LY96: variants seen among roughly 807,000 people sequenced by gnomAD.
LY96 encodes myeloid differentiation protein-2.
LY96 carries 18 observed loss-of-function variants against 18.9 expected under a neutral mutation model. The observed-to-expected ratio is 0.95, with a 90% confidence interval of 0.66 to 1.41. The LOEUF is 1.41. Among genes scored for constraint, LY96 ranks in the 40% most tolerant of loss-of-function variants. LY96 has a pLI of 0.00. For missense variants in LY96, 175 were observed against 182.4 expected (o/e 0.96, Z 0.23); for synonymous variants, 66 against 62.6 (o/e 1.06, Z -0.26).
chr8:74,061,960 A>AC, the LY96 span, among the ~76,000 whole-genome samples: 2 of 152,328 alleles, frequency 1.3e-5, no homozygotes, highest in East Asian at 1.9e-4. Context: ...GTGCACACAC[A>AC]AAAAAAGCGC....
chr8:74,080,984 CTCTTTCTTTCTT>C, the LY96 span, among the ~76,000 whole-genome samples: 2,628 of 105,004 alleles, frequency 0.025, 63 homozygotes, highest in Middle Eastern at 0.039. Context: ...TTCTTTCTCT[CTCTTTCTTTCTT>C]TCTTTCTTTC....
chr8:74,090,577 A>G, the LY96 span, among the ~76,000 whole-genome samples: 2 of 152,246 alleles, frequency 1.3e-5, no homozygotes, highest in Admixed American at 1.3e-4. Flanking sequence ...TACATGTCTC[A>G]ACCCTACATA....
the LY96 span, among the ~76,000 whole-genome samples, chr8:74,072,407 G>T: frequency 3.0e-4 from 46 of 152,176 alleles, no homozygotes; most frequent in Admixed American, 5.9e-4. Context: ...CAATTTATTT[G>T]TTCTTTTTCC....
At chr8:74,054,831 T>C in the LY96 span, among the ~76,000 whole-genome samples, 1 of 151,422 alleles carries the variant, frequency 6.6e-6, no homozygotes, top group African/African-American at 2.4e-5. Flanking sequence ...GCCCAGTTAA[T>C]TTTTTTAAAA....
At chr8:74,026,910 A>G (rs1243697009) in intron 4 of LY96, 69 bp downstream of exon 4, 4 of 805,840 alleles carry the variant, frequency 5.0e-6, no homozygotes, top group African/African-American at 3.4e-5. Flanking sequence ...CATTTGAAAC[A>G]AGCAATTCAC....
At chr8:74,009,420 A>C (rs1277356899) in intron 2 of LY96, among the ~76,000 whole-genome samples, 1 of 151,574 alleles carries the variant, frequency 6.6e-6, no homozygotes. Flanking sequence ...AAAGAAAAGA[A>C]AGAAAAGGAT....
chr8:74,051,706 T>A, the LY96 span, among the ~76,000 whole-genome samples: 1 of 152,152 alleles, frequency 6.6e-6, no homozygotes, highest in Non-Finnish European at 1.5e-5. Context: ...AGAGTGCCCT[T>A]CCCTCTCCAA....
chr8:74,004,762 A>G (rs1170426173), intron 1 of LY96, 34 bp from the exon 2 acceptor site: 2 of 1,502,206 alleles, frequency 1.3e-6, no homozygotes, highest in African/African-American at 2.7e-5. Context: ...GATGATTTGT[A>G]GTAATTTATT....
the LY96 span, among the ~76,000 whole-genome samples, chr8:74,089,397 A>G: frequency 5.9e-5 from 9 of 152,190 alleles, no homozygotes; most frequent in African/African-American, 2.2e-4. Flanking sequence ...AACCTGGCAC[A>G]GGGCCCCTCT....
At chr8:74,064,596 C>G in the LY96 span, among the ~76,000 whole-genome samples, 1 of 152,198 alleles carries the variant, frequency 6.6e-6, no homozygotes, top group Non-Finnish European at 1.5e-5. Flanking sequence ...TGTGAGCTCC[C>G]CTTTTCCTTC....
At chr8:74,075,688 T>C in the LY96 span, among the ~76,000 whole-genome samples, 1 of 152,246 alleles carries the variant, frequency 6.6e-6, no homozygotes, top group Admixed American at 6.5e-5. Flanking sequence ...TTAATTTCTT[T>C]TGATTAAATA....
chr8:74,024,665 C>T (rs184856623), intron 3 of LY96, among the ~76,000 whole-genome samples: 371 of 152,168 alleles, frequency 2.4e-3, no homozygotes, highest in African/African-American at 8.6e-3. Context: ...AGTAGAGGAG[C>T]TGGGATTCAA....
chr8:74,044,284 C>T, the LY96 span, among the ~76,000 whole-genome samples: 8 of 151,502 alleles, frequency 5.3e-5, no homozygotes, highest in Admixed American at 1.3e-4. Flanking sequence ...TAGGCTCAAG[C>T]GATTCTTCTG....
intron 2 of LY96, among the ~76,000 whole-genome samples, chr8:74,008,686 G>A (rs1816466392): frequency 6.6e-6 from 1 of 152,178 alleles, no homozygotes; most frequent in South Asian, 2.1e-4. Context: ...TGAGGTAACT[G>A]GGCAACATTT....
intron 1 of LY96, among the ~76,000 whole-genome samples, chr8:73,996,381 CTTTCTTT>C (rs1816140077): frequency 1.7e-4 from 7 of 42,286 alleles, no homozygotes; most frequent in African/African-American, 5.8e-4. Context: ...TCCTTTCTTT[CTTTCTTT>C]CTTTCTTTCT....
At chr8:74,091,273 C>T in the LY96 span, among the ~76,000 whole-genome samples, 1 of 152,196 alleles carries the variant, frequency 6.6e-6, no homozygotes, top group African/African-American at 2.4e-5. Flanking sequence ...AGAAAGCTCT[C>T]GAAGTGGCAC....
the LY96 span, among the ~76,000 whole-genome samples, chr8:74,045,765 G>A: frequency 6.6e-6 from 1 of 152,044 alleles, no homozygotes; most frequent in Non-Finnish European, 1.5e-5. Context: ...AGCGAAGACC[G>A]CCCCCCTACC....
chr8:74,019,307 C>G (rs912706594), intron 3 of LY96, among the ~76,000 whole-genome samples: 3 of 152,152 alleles, frequency 2.0e-5, no homozygotes, highest in Admixed American at 6.5e-5. Flanking sequence ...TGCAAATAAA[C>G]TAGAAAATTT....
the LY96 span, among the ~76,000 whole-genome samples, chr8:74,076,009 A>G: frequency 6.6e-6 from 1 of 152,144 alleles, no homozygotes; most frequent in African/African-American, 2.4e-5. Context: ...CTCTGTGAGC[A>G]AATATTGTTT....
Sources: allele counts gnomAD v4.1 joint callset (sites outside exome capture counted in the v4.1 genomes callset), GRCh38; gene constraint gnomAD v4.1.1; transcripts MANE v1.5; gene names NCBI Gene and HGNC (gene_info 2026-07-23, HGNC 2026-07-21).